TRIM40: variants seen among roughly 807,000 people sequenced by gnomAD.
TRIM40 encodes the protein tripartite motif containing 40.
Under a neutral mutation model 26.1 loss-of-function variants are expected in TRIM40, and 27 were observed. The observed-to-expected ratio is 1.04, with a 90% confidence interval of 0.76 to 1.43. The LOEUF (loss-of-function observed/expected upper bound fraction) is 1.43. Among genes scored for constraint, TRIM40 ranks in the 40% most tolerant of loss-of-function variants. The probability of loss-of-function intolerance (pLI) is 0.00; values close to 1 mark genes in which losing one functional copy is unlikely to be tolerated. For missense variants in TRIM40, 289 were observed against 307.9 expected (o/e 0.94, Z 0.46); for synonymous variants, 114 against 120.0 (o/e 0.95, Z 0.33).
At position 30,138,489 on chromosome 6, in the gene TRIM40, A is replaced by G. The variant is rs552935041; in HGVS notation, c.345+1108A>G. Reference sequence around the variant, plus strand: ...CAATGTCATAATATACCATATATGCATATTTTCTTGCATACTGCCTTGATT... The same window carrying G: ...CAATGTCATAATATACCATATATGCGTATTTTCTTGCATACTGCCTTGATT... On this transcript the variant is annotated intron_variant, in intron 2 of 5. Coordinates refer to ENST00000396581, the MANE Select transcript of TRIM40 (RefSeq NM_001286633.2). Among the ~76,000 whole-genome samples the G allele has an allele frequency of 1.6e-4, 24 of 152,304 alleles. No homozygotes were observed. The South Asian group carries it at 4.4e-3, about 28-fold the overall frequency.
chr6:30,146,975 T>C lies in TRIM40; in HGVS notation c.442-10T>C. On this transcript the variant is annotated splice_polypyrimidine_tract_variant and intron_variant, in intron 3 of 5. Coordinates refer to ENST00000396581, the MANE Select transcript of TRIM40 (RefSeq NM_001286633.2). ...CTGACACTGAGTCTTAGGGAGCCCC[T>C]TTCCTGTAGTTTCAGGTAGACCACG... The C allele has an allele frequency of 6.4e-7, 1 of 1,570,202 alleles. No individual in the cohort carries two copies. Among genetic ancestry groups the C allele is most frequent in the Non-Finnish European group, 8.6e-7 (1 of 1,158,280 alleles).
intron 2 of TRIM40, among the ~76,000 whole-genome samples, chr6:30,141,809 G>T (rs1160660467): frequency 6.6e-6 from 1 of 152,216 alleles, no homozygotes; most frequent in Admixed American, 6.5e-5. Context: ...AAAGAAACAA[G>T]ATGGTGTGAT....
Position 30,147,795 on chromosome 6 carries a change from C to T in TRIM40, c.760C>T (p.Pro254Ser), listed in dbSNP as rs1268419077. 2 of 1,613,916 alleles carry T rather than the reference C, an allele frequency of 1.2e-6. No homozygotes were observed. The highest frequency in any genetic ancestry group is 1.3e-5 in the African/African-American group (1 of 74,924). The change falls in exon 6 of 6, where the codon CCC becomes TCC. Residue 254 changes from proline (P) to serine (S), a missense_variant. Physicochemically the swap from Pro to Ser is moderately conservative, Grantham distance 74. Coordinates refer to ENST00000396581, the MANE Select transcript of TRIM40 (RefSeq NM_001286633.2). ...AGGAGTCAGTGAATTGCTTCTTCAG[C>T]CCCCTCAGAAGCTCTGACCTGTTCA... ...EKGVSELLLQ[P>S]PQKL
At chr6:30,146,859 C>T (rs1415391905) in intron 3 of TRIM40, 126 bp from the exon 4 acceptor site, 3 of 931,266 alleles carry the variant, frequency 3.2e-6, no homozygotes, top group Non-Finnish European at 4.9e-6. Flanking sequence ...ACCTGTGACA[C>T]ACAGAGGCAA....
intron 3 of TRIM40, 61 bp downstream of exon 3, chr6:30,146,150 C>A: frequency 7.5e-7 from 1 of 1,335,716 alleles, no homozygotes; most frequent in Non-Finnish European, 1.1e-6. Context: ...CCTTACTTAA[C>A]TATTCTGGAC....
chr6:30,148,168 C>T lies in TRIM40; in HGVS notation c.*356C>T, dbSNP rs1406107676. The T allele has an allele frequency of 5.9e-6, 2 of 341,782 alleles. No individual in the cohort carries two copies. The highest frequency in any genetic ancestry group is 5.4e-6 in the Non-Finnish European group (1 of 185,382). The allele number at this position is 341,782 out of a possible 1,614,324, so 21.2% of individuals were successfully genotyped here. A position where few individuals can be genotyped will look rare whatever the true frequency, so the allele number is the denominator to read the frequency against. ...GGATCCTCCAGGCCTCTGAATGGCCCGAGCTCATCAGCAGTGACACCACCT... is the reference window on the plus strand; with the variant it reads ...GGATCCTCCAGGCCTCTGAATGGCCTGAGCTCATCAGCAGTGACACCACCT... On this transcript the variant is annotated 3_prime_UTR_variant, in exon 6 of 6. Transcript: ENST00000396581.
chr6:30,137,355 A>G lies in TRIM40; in HGVS notation c.319A>G (p.Ile107Val), dbSNP rs772941628. Residue 107 changes from isoleucine to valine, a missense_variant, in exon 2 of 6, where the codon ATT becomes GTT. Transcript: ENST00000396581. ...ACACATGTCTCATCATGAACTGACC[A>G]TTGAAAATGCCCTCAGCCACTACAA... is the stretch of plus-strand genomic sequence containing the variant. ...PEHMSHHELT[I>V]ENALSHYKER... 4.3e-6 allele frequency: 7 copies of G among 1,612,800 alleles called. No homozygotes were observed. Among genetic ancestry groups the G allele is most frequent in the South Asian group, 1.1e-5 (1 of 91,070 alleles).
At chr6:30,137,785 A>G (rs947900606) in intron 2 of TRIM40, among the ~76,000 whole-genome samples, 1 of 152,194 alleles carries the variant, frequency 6.6e-6, no homozygotes, top group Non-Finnish European at 1.5e-5. Context: ...TTAAAACCTG[A>G]AAGTTACTAC....
Position 30,137,033 on chromosome 6 carries a change from G to A in TRIM40, c.-4G>A, listed in dbSNP as rs1324298681. 1 of 1,611,794 alleles carries A rather than the reference G, an allele frequency of 6.2e-7. No homozygotes were observed. Among genetic ancestry groups the A allele is most frequent in the South Asian group, 1.1e-5 (1 of 90,968 alleles). ...CAGGAGGCTGACAGGGTAGGAACGAGGCCATGATCCCTTTGCAGAAGGACA... is the reference window on the plus strand; with the variant it reads ...CAGGAGGCTGACAGGGTAGGAACGAAGCCATGATCCCTTTGCAGAAGGACA... On this transcript the variant is annotated 5_prime_UTR_variant, in exon 2 of 6. Transcript: ENST00000396581.
chr6:30,138,089 A>ACACC (rs1281525441), intron 2 of TRIM40, among the ~76,000 whole-genome samples: 2 of 151,254 alleles, frequency 1.3e-5, no homozygotes, highest in Admixed American at 1.3e-4. Flanking sequence ...ACACACACAC[A>ACACC]CCCTCAAAGG....
rs1178186398 is a variant in TRIM40 at position 30,142,877 on chromosome 6, A to G, written c.346-3117A>G. ...GGCTGTTTTTTTTTTACTCTAGTCC[A>G]TTGATTATTCTTTCTGTTATATAGT... On this transcript the variant is annotated intron_variant, in intron 2 of 5. Coordinates refer to ENST00000396581, the MANE Select transcript of TRIM40 (RefSeq NM_001286633.2). 2.0e-5 allele frequency among the ~76,000 whole-genome samples: 3 copies of G among 151,602 alleles called. No individual in the cohort carries two copies. In the East Asian group the frequency reaches 5.8e-4, roughly 29 times the overall value.
chr6:30,148,172 C>A lies in TRIM40; in HGVS notation c.*360C>A. ...CCTCCAGGCCTCTGAATGGCCCGAG[C>A]TCATCAGCAGTGACACCACCTCACA... On this transcript the variant is annotated 3_prime_UTR_variant, in exon 6 of 6. Coordinates refer to ENST00000396581, the MANE Select transcript of TRIM40 (RefSeq NM_001286633.2). The A allele has an allele frequency of 3.0e-6, 1 of 330,956 alleles. No homozygotes were observed. Among genetic ancestry groups the A allele is most frequent in the Non-Finnish European group, 5.6e-6 (1 of 178,490 alleles). The allele number at this position is 330,956 out of a possible 1,614,324, so 20.5% of individuals were successfully genotyped here.
intron 2 of TRIM40, among the ~76,000 whole-genome samples, chr6:30,144,839 C>T (rs1159266804): frequency 3.3e-5 from 5 of 152,192 alleles, no homozygotes; most frequent in Non-Finnish European, 5.9e-5. Context: ...AGGACATGAA[C>T]TCTTGTGCTC....
intron 2 of TRIM40, among the ~76,000 whole-genome samples, chr6:30,142,671 T>C (rs1479944918): frequency 6.6e-6 from 1 of 152,168 alleles, no homozygotes; most frequent in African/African-American, 2.4e-5. Context: ...GTTTTATTTT[T>C]AAAGGTTTAT....
intron 3 of TRIM40, among the ~76,000 whole-genome samples, 171 bp downstream of exon 3, chr6:30,146,260 T>C (rs975061895): frequency 2.0e-5 from 3 of 152,150 alleles, no homozygotes; most frequent in African/African-American, 7.2e-5. Context: ...TTGAGTGACC[T>C]ACGCAAGTTA....
chr6:30,139,546 T>G (rs1771217989), intron 2 of TRIM40, among the ~76,000 whole-genome samples: 1 of 152,126 alleles, frequency 6.6e-6, no homozygotes. Flanking sequence ...TTTCACCATC[T>G]TGGCCAGGCT....
At chr6:30,143,579 A>G (rs951226750) in intron 2 of TRIM40, among the ~76,000 whole-genome samples, 3 of 152,072 alleles carry the variant, frequency 2.0e-5, no homozygotes, top group Admixed American at 2.0e-4. Flanking sequence ...TTTAACCTGA[A>G]TGACAGAATT....
intron 2 of TRIM40, among the ~76,000 whole-genome samples, chr6:30,141,688 G>A (rs1472531446): frequency 1.3e-5 from 2 of 152,196 alleles, no homozygotes; most frequent in African/African-American, 4.8e-5. Context: ...AGCCTACATA[G>A]TTTTGCAGTT....
intron 2 of TRIM40, among the ~76,000 whole-genome samples, chr6:30,143,407 G>A (rs61043470): frequency 0.027 from 3,968 of 147,000 alleles, 53 homozygotes; most frequent in Non-Finnish European, 0.031. Flanking sequence ...TAAGGAGCAT[G>A]CATTTTGAAA....
Sources: gnomAD v4.1 joint callset for allele counts (sites outside exome capture counted in the v4.1 genomes callset) on GRCh38, gnomAD v4.1.1 for gene constraint, MANE v1.5 for transcripts, NCBI Gene and HGNC (gene_info 2026-07-23, HGNC 2026-07-21) for gene names.